LMF1: variants seen among roughly 807,000 people sequenced by gnomAD.
The protein encoded by LMF1 is lipase maturation factor 1.
In LMF1, 68 loss-of-function variants were observed where a neutral mutation model predicts 60.6. The ratio of observed to expected loss-of-function variants is 1.12; its 90% CI spans 0.92 to 1.37. LMF1 has a LOEUF of 1.37. Among genes scored for constraint, LMF1 ranks in the 40% most tolerant of loss-of-function variants. The pLI is 0.00. For missense variants in LMF1, 948 were observed against 767.2 expected (o/e 1.24, Z -2.78); for synonymous variants, 418 against 324.7 (o/e 1.29, Z -3.09).
chr16:904,654 T>C (rs376260104), intron 4 of LMF1, among the ~76,000 whole-genome samples: 213 of 33,338 alleles, frequency 6.4e-3, no homozygotes, highest in South Asian at 6.6e-3. Flanking sequence ...GTCTCTGCTG[T>C]GTGGTGGTGA....
chr16:971,719 G>A (rs2073054398), upstream of LMF1, among the ~76,000 whole-genome samples: 2 of 152,190 alleles, frequency 1.3e-5, no homozygotes, highest in Admixed American at 1.3e-4. Context: ...TCTGGAGGCT[G>A]ATGTGAAGCG....
In LMF1 at chr16:885,923, C is replaced by T. The variant is rs578065347; in HGVS notation, c.730-6186G>A. Among the ~76,000 whole-genome samples the T allele has an allele frequency of 2.0e-5, 3 of 152,338 alleles. No individual in the cohort carries two copies. In the East Asian group the frequency reaches 5.8e-4, roughly 29 times the overall value. ...CTGTTCATTTTTGGCTCAAACGGAACTTTCACTAAGACAAACCATATTCTG... is the reference window on the plus strand; with the variant it reads ...CTGTTCATTTTTGGCTCAAACGGAATTTTCACTAAGACAAACCATATTCTG... On this transcript the variant is annotated intron_variant, in intron 5 of 10. Coordinates refer to ENST00000262301, the MANE Select transcript of LMF1 (RefSeq NM_022773.4).
intron 2 of LMF1, among the ~76,000 whole-genome samples, chr16:939,254 GT>G (rs11326032): frequency 0.48 from 72,360 of 151,978 alleles, 18,872 homozygotes; most frequent in African/African-American, 0.69. Context: ...ACAGCACGCT[GT>G]CCCCGCCGTG....
At chr16:898,568 G>A (rs552610393) in intron 4 of LMF1, among the ~76,000 whole-genome samples, 44 of 152,368 alleles carry the variant, frequency 2.9e-4, no homozygotes, top group African/African-American at 9.9e-4. Flanking sequence ...CAGCCAGGCC[G>A]TGTAGGGGCC....
At chr16:947,431 A>G in intron 2 of LMF1, 2 of 455,030 alleles carry the variant, frequency 4.4e-6, no homozygotes, top group Non-Finnish European at 8.8e-6. Flanking sequence ...CATGCTGTTC[A>G]TCGTCAGTGA....
intron 2 of LMF1, among the ~76,000 whole-genome samples, chr16:947,141 G>A (rs72769409): frequency 0.078 from 11,830 of 152,290 alleles, 710 homozygotes; most frequent in African/African-American, 0.17. Context: ...CAGAAGAGAC[G>A]CCCAGGGTGG....
intron 2 of LMF1, among the ~76,000 whole-genome samples, chr16:939,542 G>A (rs2072038395): frequency 6.6e-6 from 1 of 152,246 alleles, no homozygotes; most frequent in African/African-American, 2.4e-5. Context: ...CGGGCGCGTG[G>A]CATCTGGGGC....
intron 8 of LMF1, 49 bp from the exon 9 acceptor site, chr16:870,115 CCGAGTGGGGTGCA>C (rs1567153645): frequency 1.3e-6 from 2 of 1,573,036 alleles, no homozygotes; most frequent in Non-Finnish European, 1.7e-6. Context: ...ACCGGCTGGG[CCGAGTGGGGTGCA>C]TGGGTGGGGG....
intron 4 of LMF1, among the ~76,000 whole-genome samples, chr16:907,889 A>G (rs1246810905): frequency 6.6e-6 from 1 of 152,218 alleles, no homozygotes; most frequent in Non-Finnish European, 1.5e-5. Flanking sequence ...CTAGCAATCA[A>G]TCAAAATGCC....
rs201767825 is a variant in LMF1, at chr16:871,203, T to C, written c.1036A>G (p.Met346Val). The C allele has an allele frequency of 1.0e-4, 161 of 1,610,642 alleles. No individual in the cohort carries two copies. The East Asian group carries it at 3.5e-3, about 35-fold the overall frequency. Reference protein sequence around the residue: ...PGSLKDRVLQMQRDIRGARPE... With the variant: ...PGSLKDRVLQVQRDIRGARPE... ...CGGGCCCCTCGGATGTCCCTCTGCATCTGCAGAACTCGGTCCTTCAGGCTG... is the reference window on the plus strand; with the variant it reads ...CGGGCCCCTCGGATGTCCCTCTGCACCTGCAGAACTCGGTCCTTCAGGCTG... Residue 346 changes from methionine (M) to valine (V), a missense_variant, in exon 7 of 11, where the codon ATG (methionine) becomes GTG (valine). By Grantham distance (21) the Met-to-Val change is conservative. Coordinates refer to ENST00000262301, the MANE Select transcript of LMF1 (RefSeq NM_022773.4).
Position 880,650 on chromosome 16 carries a change from C to T in LMF1, c.730-913G>A, listed in dbSNP as rs996122420. On this transcript the variant is annotated intron_variant, in intron 5 of 10. Coordinates refer to ENST00000262301, the MANE Select transcript of LMF1 (RefSeq NM_022773.4). ...GTGCCACGGCACTCAGCCTAGGCAA[C>T]AGAACAAGACCTTGTATCAGACAGT... 1.1e-4 allele frequency among the ~76,000 whole-genome samples: 17 copies of T among 152,236 alleles called. 1 individual carries two copies. Among genetic ancestry groups the T allele is most frequent in the African/African-American group, 4.1e-4 (17 of 41,466 alleles).
intron 10 of LMF1, among the ~76,000 whole-genome samples, chr16:867,952 A>C (rs538249438): frequency 6.6e-6 from 1 of 152,206 alleles, no homozygotes; most frequent in East Asian, 1.9e-4. Context: ...AGCTGTGAGC[A>C]ACTCCAGAGG....
At chr16:888,878 A>G (rs1292247207) in intron 5 of LMF1, among the ~76,000 whole-genome samples, 2 of 152,196 alleles carry the variant, frequency 1.3e-5, no homozygotes, top group Admixed American at 6.5e-5. Flanking sequence ...GTCAGGCAGC[A>G]GCCATGAGGC....
chr16:933,715 G>A, intron 3 of LMF1: 1 of 315,732 alleles, frequency 3.2e-6, no homozygotes, highest in Non-Finnish European at 6.2e-6. Context: ...AGGCCTCCGG[G>A]CCCAATGGAG....
intron 10 of LMF1, chr16:855,328 C>CGGG (rs2069156194): frequency 3.6e-6 from 1 of 274,166 alleles, no homozygotes; most frequent in Non-Finnish European, 7.2e-6. Context: ...TGAAGGCCCC[C>CGGG]ACCCCCATCT....
In LMF1 at chr16:950,018, G is replaced by T. The variant is rs577054866; in HGVS notation, c.503+4339C>A. Among the ~76,000 whole-genome samples, 39 of 125,070 alleles carry T rather than the reference G, an allele frequency of 3.1e-4. No individual in the cohort carries two copies. In the East Asian group the frequency reaches 8.6e-3, roughly 28 times the overall value. 82.1% of individuals were successfully genotyped at this position (125,070 alleles called of 152,430 possible). The stretch of plus-strand genomic sequence containing the variant: ...AGCCAACGACAGAGTCAGAGCCAAC[G>T]ACAGAGTCAGCCAACGACAGAGTCA... On this transcript the variant is annotated intron_variant, in intron 2 of 10. Transcript: ENST00000262301.
intron 1 of LMF1, among the ~76,000 whole-genome samples, chr16:977,646 C>G (rs1422729262): frequency 3.3e-5 from 5 of 150,778 alleles, no homozygotes; most frequent in African/African-American, 1.2e-4. Context: ...AAAAGATGGG[C>G]TGCCTGCCGC....
chr16:971,133 C>G, upstream of LMF1: 2 of 751,366 alleles, frequency 2.7e-6, no homozygotes, highest in Non-Finnish European at 3.7e-6. Context: ...AGGCACCGCC[C>G]CCTCCAGCCG....
At chr16:952,107 G>A (rs2072487095) in intron 2 of LMF1, among the ~76,000 whole-genome samples, 2 of 152,204 alleles carry the variant, frequency 1.3e-5, no homozygotes, top group Admixed American at 1.3e-4. Flanking sequence ...CGTTGTGGGT[G>A]CCCAAGGCAT....
Sources: allele counts gnomAD v4.1 joint callset (sites outside exome capture counted in the v4.1 genomes callset), GRCh38; gene constraint gnomAD v4.1.1; transcripts MANE v1.5; gene names NCBI Gene and HGNC (gene_info 2026-07-23, HGNC 2026-07-21).